The following RBM34 variants were observed in gnomAD, a reference collection of about 807,000 sequenced individuals.
RBM34 encodes RNA-binding protein 34.
RBM34 carries 39 observed loss-of-function variants against 44.6 expected under a neutral mutation model. The observed-to-expected ratio is 0.87, with a 90% CI of 0.68 to 1.14. The LOEUF is 1.14. Among genes scored for constraint, RBM34 ranks in the 50% most tolerant of loss-of-function variants. RBM34 has a pLI of 0.00. For synonymous variants in RBM34, 194 were observed against 184.0 expected (o/e 1.05, Z -0.44); for missense variants, 572 against 517.9 (o/e 1.10, Z -1.01).
chr1:235,149,744 T>C (rs1285277106), intron 5 of RBM34, among the ~76,000 whole-genome samples: 2 of 152,048 alleles, frequency 1.3e-5, no homozygotes, highest in African/African-American at 2.4e-5. Context: ...ACTGAGAAGA[T>C]CAAGGTGAAA....
intron 4 of RBM34, among the ~76,000 whole-genome samples, chr1:235,153,631 G>A (rs890286373): frequency 5.9e-5 from 9 of 152,060 alleles, no homozygotes; most frequent in Non-Finnish European, 2.9e-5. Context: ...TCACCATGTT[G>A]GCCAAGCTGG....
Position 235,140,908 on chromosome 1 carries a change from T to C in RBM34, c.702-2734A>G, listed in dbSNP as rs532084836. On this transcript the variant is annotated intron_variant, in intron 6 of 10. Transcript: ENST00000408888. Reference sequence around the variant, plus strand: ...GGTGGGACCTTGGAGAACTTTTATGTCTAGCTCAGGGATTGTAAATACACC... The same window carrying C: ...GGTGGGACCTTGGAGAACTTTTATGCCTAGCTCAGGGATTGTAAATACACC... Among the ~76,000 whole-genome samples the C allele has an allele frequency of 2.0e-5, 3 of 152,274 alleles. No individual in the cohort carries two copies. In the South Asian group the frequency reaches 6.2e-4, roughly 32 times the overall value.
At chr1:235,141,873 G>A (rs1398671190) in intron 6 of RBM34, among the ~76,000 whole-genome samples, 1 of 152,062 alleles carries the variant, frequency 6.6e-6, no homozygotes, top group African/African-American at 2.4e-5. Flanking sequence ...ACATCAGAAG[G>A]AACAGACTCC....
At chr1:235,144,014 T>C (rs1572152899) in intron 6 of RBM34, among the ~76,000 whole-genome samples, 1 of 152,010 alleles carries the variant, frequency 6.6e-6, no homozygotes, top group Non-Finnish European at 1.5e-5. Flanking sequence ...TTGGCTCTAC[T>C]AAAAACTTAA....
chr1:235,136,651 T>C (rs1444579216), intron 8 of RBM34, among the ~76,000 whole-genome samples: 1 of 152,244 alleles, frequency 6.6e-6, no homozygotes, highest in Non-Finnish European at 1.5e-5. Context: ...TATGTTTCTG[T>C]GGGTGAACTG....
At chr1:235,148,010 C>T (rs756301387) in intron 6 of RBM34, among the ~76,000 whole-genome samples, 4 of 152,116 alleles carry the variant, frequency 2.6e-5, no homozygotes, top group South Asian at 2.1e-4. Context: ...AAACAGAGAA[C>T]GCCAAGTGGT....
chr1:235,158,886 G>A (rs1184690777), intron 3 of RBM34, among the ~76,000 whole-genome samples: 1 of 151,678 alleles, frequency 6.6e-6, no homozygotes, highest in East Asian at 1.9e-4. Flanking sequence ...GGGAGACGGA[G>A]GTAGGAGGAT....
chr1:235,139,975 T>A (rs1030920266), intron 6 of RBM34, among the ~76,000 whole-genome samples: 11 of 152,128 alleles, frequency 7.2e-5, no homozygotes, highest in Non-Finnish European at 1.2e-4. Flanking sequence ...TGTGCGCCCA[T>A]CCTCAGGATC....
At chr1:235,133,019 G>C (rs919300643) in intron 10 of RBM34, among the ~76,000 whole-genome samples, 3 of 152,132 alleles carry the variant, frequency 2.0e-5, no homozygotes, top group African/African-American at 7.2e-5. Context: ...TCTATCTTAA[G>C]TAATCTACAA....
chr1:235,146,511 G>A (rs74148655), intron 6 of RBM34, among the ~76,000 whole-genome samples: 4,641 of 152,204 alleles, frequency 0.03, 243 homozygotes, highest in African/African-American at 0.11. Context: ...ACATCTATGC[G>A]TATCAGTTTT....
intron 6 of RBM34, among the ~76,000 whole-genome samples, chr1:235,145,966 GTTTTTTTTT>G (rs34111332): frequency 1.2e-4 from 9 of 77,212 alleles, no homozygotes; most frequent in African/African-American, 1.7e-4. Flanking sequence ...ATTACAGCAG[GTTTTTTTTT>G]TTTTTTTTTT....
intron 6 of RBM34, among the ~76,000 whole-genome samples, chr1:235,147,381 T>G (rs1160472314): frequency 1.3e-5 from 2 of 152,230 alleles, no homozygotes; most frequent in Admixed American, 6.5e-5. Context: ...GAACCTCTGT[T>G]TCTGTTCAAA....
chr1:235,155,850 T>TATATATATAC (rs1553275358), intron 3 of RBM34, among the ~76,000 whole-genome samples: 36 of 28,770 alleles, frequency 1.3e-3, no homozygotes, highest in Non-Finnish European at 2.0e-3. Flanking sequence ...TATATATATA[T>TATATATATAC]ATATATATAT....
intron 6 of RBM34, 119 bp from the exon 7 acceptor site, chr1:235,138,293 C>T: frequency 1.4e-6 from 1 of 690,942 alleles, no homozygotes; most frequent in Non-Finnish European, 2.4e-6. Context: ...ACAAGAATTC[C>T]TGGGTGGACA....
chr1:235,153,734 G>T (rs1349144989), intron 4 of RBM34, among the ~76,000 whole-genome samples: 1 of 152,064 alleles, frequency 6.6e-6, no homozygotes, highest in Non-Finnish European at 1.5e-5. Flanking sequence ...CCTCAAAAAG[G>T]TTTTTCTACT....
At chr1:235,141,293 C>A (rs931585692) in intron 6 of RBM34, among the ~76,000 whole-genome samples, 1 of 151,892 alleles carries the variant, frequency 6.6e-6, no homozygotes, top group African/African-American at 2.4e-5. Context: ...TATAAACACA[C>A]CAATCAGCAC....
intron 10 of RBM34, among the ~76,000 whole-genome samples, chr1:235,132,366 T>C (rs1661245237): frequency 6.6e-6 from 1 of 152,198 alleles, no homozygotes; most frequent in Non-Finnish European, 1.5e-5. Flanking sequence ...TGGAGTGCAG[T>C]GGCACGATCT....
In RBM34 at chr1:235,155,050, CT is replaced by C. The variant is rs1205946184; in HGVS notation, c.427del (p.Arg143GlyfsTer10). 1.2e-6 allele frequency: 2 copies of C among 1,613,914 alleles called. No homozygotes were observed. The highest frequency in any genetic ancestry group is 1.7e-6 in the Non-Finnish European group (2 of 1,179,974). On this transcript the variant is annotated frameshift_variant, in exon 4 of 11. Transcript: ENST00000408888. LOFTEE classifies it high-confidence loss of function. Reference sequence around the variant, plus strand: ...TTTAACACCAGGTTGAGAATTTTTCCTTTTCTGCCCTTGTTTCTGGTGAATT... The same window carrying C: ...TTTAACACCAGGTTGAGAATTTTTCCTTTCTGCCCTTGTTTCTGGTGAATT... Reference protein sequence around the residue: ...EEIHQKQGQKRKNSQPGVKVA... With the variant: ...EEIHQKQGQKXKNSQPGVKVA...
chr1:235,142,068 A>T (rs1015547514), intron 6 of RBM34, among the ~76,000 whole-genome samples: 2 of 152,136 alleles, frequency 1.3e-5, no homozygotes, highest in Admixed American at 1.3e-4. Flanking sequence ...CTACAGCCGG[A>T]GGAAGGGAGG....
Sources: gnomAD v4.1 joint callset for allele counts (sites outside exome capture counted in the v4.1 genomes callset) on GRCh38, gnomAD v4.1.1 for gene constraint, MANE v1.5 for transcripts, NCBI Gene and HGNC (gene_info 2026-07-23, HGNC 2026-07-21) for gene names.